The following ELOVL7 variants were observed in gnomAD, a reference collection of about 807,000 sequenced individuals.
The protein encoded by ELOVL7 is ELOVL fatty acid elongase 7.
Under a neutral mutation model 35.7 loss-of-function variants are expected in ELOVL7, and 27 were observed. The ratio of observed to expected loss-of-function variants is 0.76; its 90% CI spans 0.56 to 1.04. The LOEUF is 1.04. ELOVL7 is among the 50% of genes least tolerant of loss of function. The pLI, the probability that ELOVL7 is intolerant of heterozygous loss-of-function variation, is 0.00. For missense variants in ELOVL7, 327 were observed against 340.8 expected, an observed-to-expected ratio of 0.96 and a Z score of 0.32; for synonymous variants, 113 against 114.6, an observed-to-expected ratio of 0.99 and a Z score of 0.09.
chr5:60,826,789 G>C (rs1197514619), intron 1 of ELOVL7, among the ~76,000 whole-genome samples: 1 of 152,300 alleles, frequency 6.6e-6, no homozygotes, highest in East Asian at 1.9e-4. Context: ...TCTGGGTGGA[G>C]CACAGATGTA....
chr5:60,759,361 A>G (rs1741739351), intron 7 of ELOVL7, among the ~76,000 whole-genome samples: 1 of 152,224 alleles, frequency 6.6e-6, no homozygotes. Context: ...GGAAATTTGA[A>G]TAAACACATT....
At chr5:60,764,455 T>G in intron 6 of ELOVL7, 123 bp from the exon 7 acceptor site, 2 of 738,760 alleles carry the variant, frequency 2.7e-6, no homozygotes, top group African/African-American at 1.8e-5. Context: ...AGTGTTGCCT[T>G]ATAGAATGCT....
At chr5:60,842,736 G>T (rs766099178) in intron 1 of ELOVL7, among the ~76,000 whole-genome samples, 2 of 152,148 alleles carry the variant, frequency 1.3e-5, no homozygotes, top group Non-Finnish European at 2.9e-5. Context: ...CCGCTGAGAT[G>T]GGTGTGGCCT....
At chr5:60,815,159 C>A (rs1161027631) in intron 1 of ELOVL7, among the ~76,000 whole-genome samples, 2 of 152,190 alleles carry the variant, frequency 1.3e-5, no homozygotes, top group African/African-American at 4.8e-5. Context: ...CTTTCTGTAA[C>A]AAGTGTGATT....
chr5:60,830,048 T>C (rs1746390025), intron 1 of ELOVL7, among the ~76,000 whole-genome samples: 1 of 152,184 alleles, frequency 6.6e-6, no homozygotes, highest in African/African-American at 2.4e-5. Context: ...GTCCATTCTC[T>C]ACGTGAGGCC....
At chr5:60,818,558 A>G (rs1745673529) in intron 1 of ELOVL7, among the ~76,000 whole-genome samples, 1 of 152,302 alleles carries the variant, frequency 6.6e-6, no homozygotes, top group Admixed American at 6.5e-5. Context: ...CCATACATAG[A>G]AGGAAGTAAA....
At chr5:60,791,711 G>T (rs536717377) in intron 2 of ELOVL7, among the ~76,000 whole-genome samples, 3 of 152,186 alleles carry the variant, frequency 2.0e-5, no homozygotes, top group Admixed American at 2.0e-4. Flanking sequence ...CTTAGTATGA[G>T]TGTTTGAGAC....
At chr5:60,797,679 G>A (rs542301464) in intron 2 of ELOVL7, among the ~76,000 whole-genome samples, 12 of 152,332 alleles carry the variant, frequency 7.9e-5, no homozygotes, top group Admixed American at 7.2e-4. Context: ...GGCAGAGTTG[G>A]GACAAGTGGC....
At chr5:60,763,390 T>C (rs1040441447) in intron 7 of ELOVL7, among the ~76,000 whole-genome samples, 2 of 152,186 alleles carry the variant, frequency 1.3e-5, no homozygotes, top group Non-Finnish European at 2.9e-5. Flanking sequence ...TCAATTGTGG[T>C]TCCCCCTTTC....
intron 1 of ELOVL7, among the ~76,000 whole-genome samples, chr5:60,832,667 A>AT (rs34899576): frequency 1.4e-3 from 212 of 147,398 alleles, no homozygotes; most frequent in Middle Eastern, 7.1e-3. Context: ...CCCAGCCGGA[A>AT]TTTTTTTTTT....
chr5:60,791,409 TA>T (rs1424500234), intron 2 of ELOVL7, among the ~76,000 whole-genome samples: 1 of 152,142 alleles, frequency 6.6e-6, no homozygotes, highest in Non-Finnish European at 1.5e-5. Flanking sequence ...ATGCAGTCTG[TA>T]AAACTTCCTA....
At chr5:60,790,923 A>G (rs16878423) in intron 2 of ELOVL7, among the ~76,000 whole-genome samples, 2,017 of 151,632 alleles carry the variant, frequency 0.013, 21 homozygotes, top group Non-Finnish European at 0.022. Context: ...TGAGCATTCA[A>G]TCAAACTTAT....
intron 4 of ELOVL7, among the ~76,000 whole-genome samples, chr5:60,771,390 T>A (rs1018276305): frequency 6.6e-6 from 1 of 152,216 alleles, no homozygotes; most frequent in African/African-American, 2.4e-5. Flanking sequence ...CTCCCTCACC[T>A]ACTGCTTTAT....
At chr5:60,764,555 A>G (rs1007735411) in intron 6 of ELOVL7, among the ~76,000 whole-genome samples, 1 of 152,170 alleles carries the variant, frequency 6.6e-6, no homozygotes. Flanking sequence ...AAACACCAAT[A>G]AAAAGGCAAA....
chr5:60,764,760 C>G (rs1042768023), intron 6 of ELOVL7, among the ~76,000 whole-genome samples: 1 of 150,878 alleles, frequency 6.6e-6, no homozygotes, highest in Admixed American at 6.6e-5. Flanking sequence ...ATTAGGCAAA[C>G]GAAGAGGACT....
At chr5:60,811,748 GA>G (rs1421909184) in intron 1 of ELOVL7, among the ~76,000 whole-genome samples, 4 of 152,140 alleles carry the variant, frequency 2.6e-5, no homozygotes, top group Non-Finnish European at 4.4e-5. Context: ...CCACCAGCAA[GA>G]AGGCCCTCAC....
intron 2 of ELOVL7, among the ~76,000 whole-genome samples, chr5:60,794,288 A>G (rs1308487569): frequency 6.6e-6 from 1 of 152,242 alleles, no homozygotes; most frequent in Non-Finnish European, 1.5e-5. Context: ...CGTAGAGCAG[A>G]AATCCCTTCC....
intron 3 of ELOVL7, among the ~76,000 whole-genome samples, chr5:60,779,810 G>A (rs773190663): frequency 1.4e-4 from 22 of 152,118 alleles, no homozygotes; most frequent in Non-Finnish European, 2.4e-4. Flanking sequence ...CTTTTCTATC[G>A]CATCATCAGG....
intron 1 of ELOVL7, among the ~76,000 whole-genome samples, chr5:60,841,256 C>T (rs1747153126): frequency 6.6e-6 from 1 of 151,982 alleles, no homozygotes; most frequent in Admixed American, 6.6e-5. Context: ...AAACTCCTGA[C>T]CTAAGGTGAT....
Sources: gnomAD v4.1 joint callset for allele counts (sites outside exome capture counted in the v4.1 genomes callset) on GRCh38, gnomAD v4.1.1 for gene constraint, MANE v1.5 for transcripts, NCBI Gene and HGNC (gene_info 2026-07-23, HGNC 2026-07-21) for gene names.